CAMK1D: variants seen among roughly 807,000 people sequenced by gnomAD.
CAMK1D encodes calcium/calmodulin-dependent protein kinase type 1D.
Under a neutral mutation model 47.7 loss-of-function variants are expected in CAMK1D, and 9 were observed. The observed-to-expected ratio is 0.19, with a 90% confidence interval of 0.11 to 0.33. The LOEUF (loss-of-function observed/expected upper bound fraction) is 0.33. Ranked by LOEUF, CAMK1D falls within the 10% of genes least tolerant of loss-of-function variation. The probability of loss-of-function intolerance (pLI) is 1.00; values close to 1 mark genes in which losing one functional copy is unlikely to be tolerated. For missense variants in CAMK1D, 291 were observed against 488.7 expected, an observed-to-expected ratio of 0.60 and a Z score of 3.81; for synonymous variants, 184 against 184.9, an observed-to-expected ratio of 0.99 and a Z score of 0.04.
intron 1 of CAMK1D, among the ~76,000 whole-genome samples, chr10:12,470,520 C>CT (rs11422931): frequency 0.43 from 64,787 of 148,984 alleles, 14,341 homozygotes; most frequent in Non-Finnish European, 0.48. Context: ...TTTTCTTCTT[C>CT]TTTTTTTTTT....
intron 1 of CAMK1D, among the ~76,000 whole-genome samples, chr10:12,396,615 T>C (rs1838965878): frequency 6.6e-6 from 1 of 152,250 alleles, no homozygotes; most frequent in Non-Finnish European, 1.5e-5. Context: ...CAACTTTCTG[T>C]CTAGGCTTCA....
At chr10:12,605,090 T>C (rs1295483813) in intron 2 of CAMK1D, among the ~76,000 whole-genome samples, 1 of 152,106 alleles carries the variant, frequency 6.6e-6, no homozygotes, top group Non-Finnish European at 1.5e-5. Context: ...GGTTTCACCA[T>C]GTTATACAGG....
At chr10:12,638,496 C>A (rs58713162) in intron 2 of CAMK1D, among the ~76,000 whole-genome samples, 3,167 of 151,358 alleles carry the variant, frequency 0.021, 115 homozygotes, top group African/African-American at 0.073. Context: ...TTCCCGTCAC[C>A]CCTCACTCTC....
intron 1 of CAMK1D, among the ~76,000 whole-genome samples, chr10:12,428,169 C>G (rs1485091255): frequency 6.6e-6 from 1 of 152,086 alleles, no homozygotes; most frequent in Non-Finnish European, 1.5e-5. Flanking sequence ...CTATCCCTCC[C>G]CTATCCCGCC....
intron 1 of CAMK1D, among the ~76,000 whole-genome samples, chr10:12,398,846 AT>A (rs1251550471): frequency 2.0e-5 from 3 of 151,626 alleles, no homozygotes; most frequent in Non-Finnish European, 4.4e-5. Context: ...CATTGCTGGG[AT>A]AAGGAGGTCA....
At chr10:12,650,072 C>G (rs1357844525) in intron 2 of CAMK1D, among the ~76,000 whole-genome samples, 1 of 152,210 alleles carries the variant, frequency 6.6e-6, no homozygotes, top group African/African-American at 2.4e-5. Context: ...TAGGATAAAA[C>G]CCGCACAGGT....
intron 3 of CAMK1D, among the ~76,000 whole-genome samples, chr10:12,757,316 C>A (rs1225360696): frequency 2.0e-5 from 3 of 152,148 alleles, no homozygotes; most frequent in Non-Finnish European, 4.4e-5. Context: ...TGTGATTGTA[C>A]TCCTTTTCCC....
At chr10:12,670,677 A>G (rs1337386541) in intron 3 of CAMK1D, among the ~76,000 whole-genome samples, 1 of 151,970 alleles carries the variant, frequency 6.6e-6, no homozygotes, top group Non-Finnish European at 1.5e-5. Flanking sequence ...CCTCCAGAGT[A>G]GCTGGGATTG....
intron 1 of CAMK1D, among the ~76,000 whole-genome samples, chr10:12,367,762 A>C (rs1370074246): frequency 1.3e-5 from 2 of 151,964 alleles, no homozygotes. Context: ...ACTGCAAGTG[A>C]TGGGGGCGTC....
chr10:12,816,421 C>A, intron 8 of CAMK1D, 93 bp downstream of exon 8: 2 of 984,604 alleles, frequency 2.0e-6, no homozygotes, highest in Non-Finnish European at 3.1e-6. Flanking sequence ...TTTATGAAAT[C>A]CACACAGGAT....
At chr10:12,804,389 G>A (rs983560151) in intron 6 of CAMK1D, among the ~76,000 whole-genome samples, 4 of 152,164 alleles carry the variant, frequency 2.6e-5, no homozygotes, top group African/African-American at 9.6e-5. Flanking sequence ...AGAGGTGGGC[G>A]GATTACCTGA....
At chr10:12,622,056 A>G (rs1302136228) in intron 2 of CAMK1D, among the ~76,000 whole-genome samples, 1 of 152,166 alleles carries the variant, frequency 6.6e-6, no homozygotes, top group Non-Finnish European at 1.5e-5. Flanking sequence ...CAGCCACTGC[A>G]TGTGGCGGGG....
chr10:12,650,048 C>T (rs1396586537), intron 2 of CAMK1D, among the ~76,000 whole-genome samples: 1 of 152,220 alleles, frequency 6.6e-6, no homozygotes, highest in Non-Finnish European at 1.5e-5. Context: ...TGGCATATTA[C>T]TTTTTAGTTC....
chr10:12,557,561 A>G (rs1016054897), intron 2 of CAMK1D, among the ~76,000 whole-genome samples: 9 of 151,930 alleles, frequency 5.9e-5, no homozygotes, highest in South Asian at 4.1e-4. Context: ...CAAAAAAAAA[A>G]AAAAAAAAAG....
At chr10:12,606,706 C>T (rs1034580924) in intron 2 of CAMK1D, among the ~76,000 whole-genome samples, 1 of 152,336 alleles carries the variant, frequency 6.6e-6, no homozygotes, top group Non-Finnish European at 1.5e-5. Flanking sequence ...ACTCTGAAGT[C>T]TGTATGTGCC....
intron 1 of CAMK1D, among the ~76,000 whole-genome samples, chr10:12,456,144 A>C (rs555367581): frequency 6.6e-6 from 1 of 152,318 alleles, no homozygotes; most frequent in African/African-American, 2.4e-5. Context: ...GAATTACTAA[A>C]AACTCTGGGA....
chr10:12,359,601 T>G (rs1052633932), intron 1 of CAMK1D, among the ~76,000 whole-genome samples: 4 of 152,024 alleles, frequency 2.6e-5, no homozygotes, highest in African/African-American at 9.7e-5. Flanking sequence ...TCCATCAGCC[T>G]GGGCAAGAGT....
chr10:12,621,829 A>C (rs1839008550), intron 2 of CAMK1D, among the ~76,000 whole-genome samples: 1 of 151,812 alleles, frequency 6.6e-6, no homozygotes, highest in African/African-American at 2.4e-5. Context: ...GTGTGTGTAC[A>C]TTCCTTGTAT....
intron 1 of CAMK1D, among the ~76,000 whole-genome samples, chr10:12,368,916 C>G (rs1467537655): frequency 6.6e-6 from 1 of 152,146 alleles, no homozygotes; most frequent in Non-Finnish European, 1.5e-5. Context: ...CTCCTGAGTT[C>G]AAGCGATTCT....
Sources: allele counts gnomAD v4.1 joint callset (sites outside exome capture counted in the v4.1 genomes callset), GRCh38; gene constraint gnomAD v4.1.1; transcripts MANE v1.5; gene names NCBI Gene and HGNC (gene_info 2026-07-23, HGNC 2026-07-21).